Variants in ZNF280C observed in about 807,000 individuals in gnomAD.
The protein encoded by ZNF280C is suppressor of hairy wing homolog 3.
A neutral mutation model predicts 53.6 loss-of-function variants in ZNF280C; 14 were observed. The ratio of observed to expected loss-of-function variants is 0.26; its 90% confidence interval spans 0.17 to 0.41. The LOEUF (loss-of-function observed/expected upper bound fraction) is 0.41, where lower values mean the gene tolerates loss of function less well. ZNF280C is among the 10% of genes least tolerant of loss of function. The probability of loss-of-function intolerance (pLI) is 1.00; values close to 1 mark genes in which losing one functional copy is unlikely to be tolerated. For missense variants in ZNF280C, 416 were observed against 547.1 expected (o/e 0.76, Z 2.39); for synonymous variants, 203 against 181.1 (o/e 1.12, Z -0.97).
At chrX:130,238,789 A>T (rs1177749605) in intron 6 of ZNF280C, among the ~76,000 whole-genome samples, 1 of 111,823 alleles carries the variant, frequency 8.9e-6, no homozygotes, top group African/African-American at 3.2e-5. Context: ...ATATGACTAT[A>T]ATTTTTTTGT....
intron 8 of ZNF280C, among the ~76,000 whole-genome samples, chrX:130,235,183 A>G (rs907723831): frequency 3.6e-5 from 4 of 112,644 alleles, no homozygotes; most frequent in African/African-American, 1.3e-4. Context: ...TAATTTAGTC[A>G]ATAAAATATT....
chrX:130,237,572 CTT>C (rs1282209892), intron 6 of ZNF280C, among the ~76,000 whole-genome samples: 2 of 111,449 alleles, frequency 1.8e-5, no homozygotes, highest in East Asian at 5.6e-4. Flanking sequence ...TACGATTGTA[CTT>C]TGTGATAAGG....
rs1425896486 is a variant in ZNF280C at position 130,236,477 on chromosome X, A to G, written c.656T>C (p.Leu219Pro). ...TCAGATTTCATGTTTACCTTTTGACAGCATAACTTGGGAGGATGTCACTGG... is the reference window on the plus strand; with the variant it reads ...TCAGATTTCATGTTTACCTTTTGACGGCATAACTTGGGAGGATGTCACTGG... The part of the protein sequence containing the change: ...SPPVTSSQVM[L>P]SKGTNTSSPY... The change falls in exon 7 of 19, where the codon CTG (leucine) becomes CCG (proline). Residue 219 changes from leucine to proline, a missense_variant. Physicochemically the swap from Leu to Pro is moderately conservative, Grantham distance 98 (BLOSUM62 -3). Around this residue, in one of 3 missense-constraint regions of ZNF280C, gnomAD observed 193 missense variants for 201.4 expected, o/e 0.96. Coordinates refer to ENST00000370978, the MANE Select transcript of ZNF280C (RefSeq NM_017666.5). 2 of 1,192,200 alleles carry G rather than the reference A, an allele frequency of 1.7e-6. No homozygotes were observed. The highest frequency in any genetic ancestry group is 6.0e-5 in the East Asian group (2 of 33,420).
chrX:130,220,565 T>C (rs903791657), intron 12 of ZNF280C, 85 bp from the exon 13 acceptor site: 2 of 928,326 alleles, frequency 2.2e-6, no homozygotes, highest in African/African-American at 4.0e-5. Flanking sequence ...AAAATCTAAA[T>C]AAATTTACAA....
At position 130,243,847 on chromosome X, in the gene ZNF280C, T is replaced by C; in HGVS notation, c.197A>G (p.His66Arg). 8.6e-7 allele frequency: 1 copy of C among 1,160,268 alleles called. No individual in the cohort carries two copies. Among genetic ancestry groups the C allele is most frequent in the African/African-American group, 1.8e-5 (1 of 56,040 alleles). The change falls in exon 4 of 19, where the codon CAC (histidine) becomes CGC (arginine). Residue 66 changes from histidine (H) to arginine (R), a missense_variant. Physicochemically the swap from His to Arg is conservative, Grantham distance 29. Around this residue, in one of 3 missense-constraint regions of ZNF280C, gnomAD observed 193 missense variants for 201.4 expected, o/e 0.96. Transcript: ENST00000370978. ...PAISNILNRG[H>R]SSSSSKGIKS... is the part of the protein sequence containing the mutation. ...TATTCCTTTTGAAGATGAGCTGGAG[T>C]GGCCTCTGTTCAAAATATCTATAAA...
At chrX:130,236,897 T>C (rs1246083120) in intron 6 of ZNF280C, among the ~76,000 whole-genome samples, 4 of 111,099 alleles carry the variant, frequency 3.6e-5, no homozygotes, top group Non-Finnish European at 7.6e-5. Context: ...AAATAAACTT[T>C]ATATACCCAA....
rs752985919 is a variant in ZNF280C at position 130,205,355 on chromosome X, A to G, written c.2103T>C (p.Arg701=). The G allele has an allele frequency of 8.3e-7, 1 of 1,210,183 alleles. No individual in the cohort carries two copies. The highest frequency in any genetic ancestry group is 1.1e-6 in the Non-Finnish European group (1 of 894,666). The change falls in exon 17 of 19, where the codon CGT becomes CGC. Residue 701 remains arginine (R), a synonymous_variant. Transcript: ENST00000370978. The part of the protein sequence containing the change: ...DFLADSSGLD[R]MAKHLSQRKT... Reference sequence around the variant, plus strand: ...TACGTTGACTTAAGTGTTTAGCCATACGATCTAAGCCGGAAGAATCAGCTA... The same window carrying G: ...TACGTTGACTTAAGTGTTTAGCCATGCGATCTAAGCCGGAAGAATCAGCTA...
rs756437852 is a variant in ZNF280C, at chrX:130,232,277, A to T, written c.772-1550T>A. On this transcript the variant is annotated intron_variant, in intron 8 of 18. Coordinates refer to ENST00000370978, the MANE Select transcript of ZNF280C (RefSeq NM_017666.5). Reference sequence around the variant, plus strand: ...TGAAGGGGAAATCTACCTCATGAATAAAATCAAGACATCATATAAACTGAT... The same window carrying T: ...TGAAGGGGAAATCTACCTCATGAATTAAATCAAGACATCATATAAACTGAT... 9.4e-5 allele frequency among the ~76,000 whole-genome samples: 8 copies of T among 84,927 alleles called. No homozygotes were observed. The East Asian group carries it at 2.3e-3, about 24-fold the overall frequency. The allele number at this position is 84,927 out of a possible 115,157, so 73.7% of individuals were successfully genotyped here.
At chrX:130,221,685 T>G (rs928886675) in intron 12 of ZNF280C, among the ~76,000 whole-genome samples, 3 of 111,080 alleles carry the variant, frequency 2.7e-5, no homozygotes, top group Non-Finnish European at 3.8e-5. Flanking sequence ...CAGTGATACC[T>G]TAAAAAAAAA....
Position 130,220,005 on chromosome X carries a change from C to T in ZNF280C, c.1527+344G>A, listed in dbSNP as rs2032146607. 4.5e-5 allele frequency among the ~76,000 whole-genome samples: 5 copies of T among 111,128 alleles called. No homozygotes were observed. The South Asian group carries it at 1.9e-3, about 42-fold the overall frequency. On this transcript the variant is annotated intron_variant, in intron 13 of 18. Coordinates refer to ENST00000370978, the MANE Select transcript of ZNF280C (RefSeq NM_017666.5). ...ATTATATTCAATAGATAAAACCAGG[C>T]AGTAGTTTGTTTCTATTATCATACA... is the stretch of plus-strand genomic sequence containing the variant.
chrX:130,227,805 T>A lies in ZNF280C; in HGVS notation c.1148-23A>T, dbSNP rs371483189. ...TAGCTGAAAGTGGAAAAAAACACAT[T>A]ATACCATTTAAGGATGTATATAAAA... On this transcript the variant is annotated intron_variant, in intron 10 of 18. Coordinates refer to ENST00000370978, the MANE Select transcript of ZNF280C (RefSeq NM_017666.5). The A allele has an allele frequency of 3.1e-5, 27 of 875,910 alleles. No individual in the cohort carries two copies. In the African/African-American group the frequency reaches 5.1e-4, roughly 17 times the overall value. 72.2% of individuals were successfully genotyped at this position (875,910 alleles called of 1,213,427 possible). A position where few individuals can be genotyped will look rare whatever the true frequency, so the allele number is the denominator to read the frequency against.
chrX:130,267,264 A>C (rs1377418746), intron 1 of ZNF280C, among the ~76,000 whole-genome samples: 1 of 111,691 alleles, frequency 9.0e-6, no homozygotes, highest in Non-Finnish European at 1.9e-5. Flanking sequence ...ATAATATTAA[A>C]GTATGAAAAA....
chrX:130,220,280 T>TAAA, intron 13 of ZNF280C, 69 bp downstream of exon 13: 2 of 907,125 alleles, frequency 2.2e-6, no homozygotes, highest in South Asian at 3.5e-5. Flanking sequence ...CTATCCATAA[T>TAAA]AAAAAAAAAA....
intron 16 of ZNF280C, among the ~76,000 whole-genome samples, chrX:130,206,369 T>G (rs1181233381): frequency 3.1e-5 from 3 of 95,877 alleles, no homozygotes; most frequent in African/African-American, 1.2e-4. Flanking sequence ...TAGTTTTTTT[T>G]TTTTTTTTTT....
chrX:130,232,795 T>C (rs2032291422), intron 8 of ZNF280C, among the ~76,000 whole-genome samples: 1 of 111,923 alleles, frequency 8.9e-6, no homozygotes, highest in African/African-American at 3.3e-5. Context: ...AAGTTAAAAA[T>C]AGAACTACCA....
chrX:130,224,742 CTT>C (rs776957247), intron 12 of ZNF280C, among the ~76,000 whole-genome samples: 1 of 111,371 alleles, frequency 9.0e-6, no homozygotes, highest in Non-Finnish European at 1.9e-5. Context: ...GGAAAGCTCT[CTT>C]GAGTCTAAGA....
rs757905059 is a variant in ZNF280C, at chrX:130,244,727, G to A, written c.179-862C>T. ...CGGGAGGTGGAGCTTGCAGTGAGCC[G>A]AGATCGTGCCACTGCACTCCAGCCT... is the stretch of plus-strand genomic sequence containing the variant. On this transcript the variant is annotated intron_variant, in intron 3 of 18. Transcript: ENST00000370978. 8.7e-4 allele frequency among the ~76,000 whole-genome samples: 89 copies of A among 102,786 alleles called. 2 individuals carry two copies. The highest frequency in any genetic ancestry group is 3.0e-3 in the African/African-American group (84 of 28,004). The allele number at this position is 102,786 out of a possible 115,157, so 89.3% of individuals were successfully genotyped here.
At chrX:130,226,464 G>A (rs1358879108) in intron 12 of ZNF280C, among the ~76,000 whole-genome samples, 1 of 111,375 alleles carries the variant, frequency 9.0e-6, no homozygotes, top group South Asian at 3.8e-4. Context: ...TGAATCTTCT[G>A]TTTTTTCCTC....
chrX:130,220,291 A>G, intron 13 of ZNF280C, 58 bp downstream of exon 13: 1 of 1,042,871 alleles, frequency 9.6e-7, no homozygotes, highest in East Asian at 3.3e-5. Context: ...AAAAAAAAAA[A>G]CATAAAAAAA....
Sources: gnomAD v4.1 joint callset for allele counts (sites outside exome capture counted in the v4.1 genomes callset) on GRCh38, gnomAD v4.1.1 for gene constraint, gnomAD v4.1.1 regional missense constraint, MANE v1.5 for transcripts, NCBI Gene and HGNC (gene_info 2026-07-23, HGNC 2026-07-21) for gene names.